The following EOGT variants were observed in gnomAD, a reference collection of about 807,000 sequenced individuals.
EOGT encodes the protein EGF domain-specific O-linked N-acetylglucosamine transferase.
A neutral mutation model predicts 70.5 loss-of-function variants in EOGT; 55 were observed. The ratio of observed to expected loss-of-function variants is 0.78; its 90% CI spans 0.63 to 0.98. The LOEUF is 0.98. Ranked by LOEUF, EOGT falls within the 50% of genes least tolerant of loss-of-function variation. EOGT has a pLI of 0.00. For synonymous variants in EOGT, 246 were observed against 217.1 expected (o/e 1.13, Z -1.17); for missense variants, 703 against 641.9 (o/e 1.10, Z -1.03).
At chr3:68,982,648 G>C in intron 15 of EOGT, 163 bp downstream of exon 15, 1 of 418,176 alleles carries the variant, frequency 2.4e-6, no homozygotes, top group Non-Finnish European at 4.2e-6. Context: ...AACTGCCCTT[G>C]TTACCAGGGA....
At chr3:69,003,354 G>T (rs1035122327) in intron 8 of EOGT, among the ~76,000 whole-genome samples, 1 of 152,172 alleles carries the variant, frequency 6.6e-6, no homozygotes, top group East Asian at 1.9e-4. Context: ...ATCTCATCTT[G>T]AATTGTAGCT....
chr3:69,011,193 C>CTTTTCTTTTT (rs2091565078), intron 3 of EOGT, among the ~76,000 whole-genome samples: 1 of 113,300 alleles, frequency 8.8e-6, no homozygotes, highest in Non-Finnish European at 1.7e-5. Flanking sequence ...GATCTTTGTT[C>CTTTTCTTTTT]TTTTTTTTTT....
Position 68,977,423 on chromosome 3 carries a change from G to T in EOGT, c.*195C>A. ...TTTTCAGTGCAAAATTATTGCTATT[G>T]ATAAATAGCAATGACACAAAAACCA... On this transcript the variant is annotated 3_prime_UTR_variant, in exon 18 of 18. Coordinates refer to ENST00000383701, the MANE Select transcript of EOGT (RefSeq NM_001278689.2). 1.9e-6 allele frequency: 1 copy of T among 527,706 alleles called. No homozygotes were observed. 32.7% of individuals were successfully genotyped at this position (527,706 alleles called of 1,614,324 possible).
intron 16 of EOGT, among the ~76,000 whole-genome samples, chr3:68,978,918 T>A (rs988833592): frequency 1.2e-4 from 19 of 152,092 alleles, no homozygotes; most frequent in African/African-American, 4.6e-4. Flanking sequence ...AGAGATAGAA[T>A]CCATTATCTG....
At chr3:68,993,832 G>A (rs1297844207) in intron 10 of EOGT, among the ~76,000 whole-genome samples, 2 of 152,290 alleles carry the variant, frequency 1.3e-5, no homozygotes, top group African/African-American at 2.4e-5. Context: ...AAGGGAAAAT[G>A]AGGAAGAAGC....
At chr3:69,002,864 C>T (rs1476248648) in intron 8 of EOGT, among the ~76,000 whole-genome samples, 1 of 152,098 alleles carries the variant, frequency 6.6e-6, no homozygotes, top group African/African-American at 2.4e-5. Context: ...GATGAGGTCT[C>T]ATCATGTTGC....
At chr3:68,999,911 G>A (rs958415682) in intron 9 of EOGT, among the ~76,000 whole-genome samples, 16 of 152,198 alleles carry the variant, frequency 1.1e-4, no homozygotes, top group Middle Eastern at 6.8e-3. Flanking sequence ...ATTTCCCTAA[G>A]GTACAAGTTA....
At chr3:68,993,348 A>G (rs2091050683) in intron 10 of EOGT, among the ~76,000 whole-genome samples, 2 of 152,170 alleles carry the variant, frequency 1.3e-5, no homozygotes, top group South Asian at 4.1e-4. Flanking sequence ...TCTCAAGTTC[A>G]AAGTTCCACA....
chr3:68,983,115 A>C (rs1448857047), intron 14 of EOGT, among the ~76,000 whole-genome samples: 1 of 152,228 alleles, frequency 6.6e-6, no homozygotes, highest in African/African-American at 2.4e-5. Context: ...CTCAGATACC[A>C]ATGCACTGTG....
chr3:68,980,507 A>C (rs1329805135), intron 15 of EOGT, among the ~76,000 whole-genome samples: 1 of 152,242 alleles, frequency 6.6e-6, no homozygotes, highest in Non-Finnish European at 1.5e-5. Flanking sequence ...GAGGCTAGGG[A>C]GAAATGCTGG....
intron 10 of EOGT, among the ~76,000 whole-genome samples, chr3:68,992,015 C>A (rs2091007982): frequency 6.6e-6 from 1 of 152,182 alleles, no homozygotes; most frequent in Non-Finnish European, 1.5e-5. Flanking sequence ...ATTACCTCCC[C>A]TTGGGTCCCT....
chr3:69,005,125 TA>T lies in EOGT; in HGVS notation c.515+14del. ...CAGAATTTATACTAGATGTTAACAT[TA>T]ACCACTAAAGTACCTGTCATGATTT... On this transcript the variant is annotated intron_variant, in intron 7 of 17. Transcript: ENST00000383701. 1 of 1,405,526 alleles carries T rather than the reference TA, an allele frequency of 7.1e-7. No individual in the cohort carries two copies. Among genetic ancestry groups the T allele is most frequent in the Non-Finnish European group, 9.9e-7 (1 of 1,008,444 alleles). The allele number at this position is 1,405,526 out of a possible 1,614,324, so 87.1% of individuals were successfully genotyped here. A position where few individuals can be genotyped will look rare whatever the true frequency, so the allele number is the denominator to read the frequency against.
intron 9 of EOGT, among the ~76,000 whole-genome samples, chr3:69,001,144 G>C (rs1301389998): frequency 6.6e-6 from 1 of 151,920 alleles, no homozygotes; most frequent in African/African-American, 2.4e-5. Context: ...TTTTTTAGTA[G>C]AGACGAGGTT....
In EOGT at chr3:69,000,911, G is replaced by A. The variant is rs527317922; in HGVS notation, c.727+697C>T. On this transcript the variant is annotated intron_variant, in intron 9 of 17. Coordinates refer to ENST00000383701, the MANE Select transcript of EOGT (RefSeq NM_001278689.2). ...ATGATACAGAAAGTTTGTCAGCGCA[G>A]GTCATGGACACTTCTTTCCCACCCA... 1.8e-3 allele frequency among the ~76,000 whole-genome samples: 273 copies of A among 151,856 alleles called. 1 individual carries two copies. Among genetic ancestry groups the A allele is most frequent in the South Asian group, 9.6e-3 (46 of 4,792 alleles).
intron 15 of EOGT, among the ~76,000 whole-genome samples, chr3:68,981,064 C>G (rs945615181): frequency 2.0e-5 from 3 of 152,204 alleles, no homozygotes; most frequent in South Asian, 2.1e-4. Flanking sequence ...TCAAGCAACA[C>G]TGACACAACA....
At chr3:68,978,503 G>T in intron 16 of EOGT, 68 bp from the exon 17 acceptor site, 1 of 1,094,220 alleles carries the variant, frequency 9.1e-7, no homozygotes, top group Non-Finnish European at 1.3e-6. Flanking sequence ...ACAACTCTGC[G>T]AAAATAAAAT....
At chr3:68,990,722 C>T (rs977759635) in intron 10 of EOGT, among the ~76,000 whole-genome samples, 1 of 152,116 alleles carries the variant, frequency 6.6e-6, no homozygotes, top group Non-Finnish European at 1.5e-5. Context: ...AATGGTTTCA[C>T]TTAGATTGAA....
chr3:69,001,188 G>A (rs2091285535), intron 9 of EOGT, among the ~76,000 whole-genome samples: 1 of 152,052 alleles, frequency 6.6e-6, no homozygotes, highest in Non-Finnish European at 1.5e-5. Flanking sequence ...TCGATCTCCT[G>A]ACCTCGTGAT....
At position 68,980,904 on chromosome 3, in the gene EOGT, T is replaced by A. The variant is rs1460425092; in HGVS notation, c.1215-1117A>T. Among the ~76,000 whole-genome samples, 6 of 152,184 alleles carry A rather than the reference T, an allele frequency of 3.9e-5. No homozygotes were observed. In the South Asian group the frequency reaches 8.3e-4, roughly 21 times the overall value. On this transcript the variant is annotated intron_variant, in intron 15 of 17. Transcript: ENST00000383701. ...GTACGAATTCATTATCATTCTTGCT[T>A]ATCTGAGAAACTACAACATATCCTT...
Sources: gnomAD v4.1 joint callset for allele counts (sites outside exome capture counted in the v4.1 genomes callset) on GRCh38, gnomAD v4.1.1 for gene constraint, MANE v1.5 for transcripts, NCBI Gene and HGNC (gene_info 2026-07-23, HGNC 2026-07-21) for gene names.